Variants in SLC15A1 observed in about 807,000 individuals in gnomAD.
SLC15A1 encodes the protein solute carrier family 15 member 1, also known as Caco-2 oligopeptide transporter.
In SLC15A1, 83 loss-of-function variants were observed where a neutral mutation model predicts 92.9. The observed-to-expected ratio is 0.89, with a 90% CI of 0.75 to 1.07. The LOEUF (loss-of-function observed/expected upper bound fraction) is 1.07, where lower values mean the gene tolerates loss of function less well. SLC15A1 is among the 50% of genes least tolerant of loss of function. SLC15A1 has a pLI of 0.00. For synonymous variants in SLC15A1, 322 were observed against 318.2 expected, an observed-to-expected ratio of 1.01 and a Z score of -0.13; for missense variants, 857 against 880.1, an observed-to-expected ratio of 0.97 and a Z score of 0.33.
intron 1 of SLC15A1, among the ~76,000 whole-genome samples, chr13:98,744,323 A>T: frequency 1.3e-5 from 2 of 150,646 alleles, no homozygotes; most frequent in Admixed American, 6.6e-5. Flanking sequence ...TGAAGACCCT[A>T]ACTTATACAC....
In SLC15A1 at chr13:98,724,109, C is replaced by G. The variant is rs940165304; in HGVS notation, c.246-78G>C. The G allele has an allele frequency of 4.4e-4, 685 of 1,570,588 alleles. 3 individuals carry two copies. Among genetic ancestry groups the G allele is most frequent in the Non-Finnish European group, 9.3e-5 (107 of 1,152,796 alleles). ...CTTTTGACTCCACCACAAAAGACCC[C>G]CTCCTTGAAAGCTTTCAAGAGCCCA... On this transcript the variant is annotated intron_variant, in intron 4 of 22. Transcript: ENST00000376503.
At chr13:98,702,577 T>TCTGAACTCATTC in intron 17 of SLC15A1, 48 bp from the exon 18 acceptor site, 2 of 1,387,916 alleles carry the variant, frequency 1.4e-6, no homozygotes, top group Non-Finnish European at 2.1e-6. Flanking sequence ...ATAATATTCA[T>TCTGAACTCATTC]TAGAATGAGT....
chr13:98,719,728 G>C (rs1281300469), intron 7 of SLC15A1, among the ~76,000 whole-genome samples: 3 of 152,164 alleles, frequency 2.0e-5, no homozygotes, highest in Non-Finnish European at 4.4e-5. Context: ...CGATGACCTA[G>C]GGCAGGGGTT....
chr13:98,710,104 G>A (rs538789889), intron 11 of SLC15A1, among the ~76,000 whole-genome samples, 193 bp from the exon 12 acceptor site: 5 of 152,170 alleles, frequency 3.3e-5, no homozygotes, highest in African/African-American at 7.2e-5. Flanking sequence ...CATTTCTAGC[G>A]TACGAGTGAA....
At chr13:98,741,723 C>CAA (rs61421254) in intron 1 of SLC15A1, among the ~76,000 whole-genome samples, 12 of 81,768 alleles carry the variant, frequency 1.5e-4, no homozygotes, top group East Asian at 2.9e-4. Flanking sequence ...GACTCCGTCT[C>CAA]AAAAAAAAAA....
intron 1 of SLC15A1, among the ~76,000 whole-genome samples, chr13:98,737,783 T>C (rs1296641518): frequency 6.6e-6 from 1 of 152,096 alleles, no homozygotes; most frequent in African/African-American, 2.4e-5. Context: ...TACCTGAAAA[T>C]GTAGAAGAGC....
At chr13:98,716,028 C>T (rs543310058) in intron 8 of SLC15A1, 68 bp from the exon 9 acceptor site, 63 of 1,271,296 alleles carry the variant, frequency 5.0e-5, no homozygotes, top group East Asian at 1.4e-4. Context: ...TAGAGAGATG[C>T]GCCTTTATTT....
intron 16 of SLC15A1, 77 bp downstream of exon 16, chr13:98,706,057 A>C: frequency 6.6e-7 from 1 of 1,522,044 alleles, no homozygotes; most frequent in Admixed American, 2.2e-5. Flanking sequence ...ACAAGGACCA[A>C]GAAAAACAGC....
rs147152072 is a variant in SLC15A1, at chr13:98,734,631, G to A, written c.5-7772C>T. Among the ~76,000 whole-genome samples the A allele has an allele frequency of 9.7e-4, 148 of 152,134 alleles. 1 individual carries two copies. The highest frequency in any genetic ancestry group is 3.3e-3 in the African/African-American group (135 of 41,506). On this transcript the variant is annotated intron_variant, in intron 1 of 22. Coordinates refer to ENST00000376503, the MANE Select transcript of SLC15A1 (RefSeq NM_005073.4). The stretch of plus-strand genomic sequence containing the variant: ...TGGCACACCAGGAGATTAAATAGAC[G>A]CAATAAAAAATGATAAAGGGTATAT...
Position 98,736,860 on chromosome 13 carries a change from T to C in SLC15A1, c.5-10001A>G, listed in dbSNP as rs564948132. 4.2e-3 allele frequency among the ~76,000 whole-genome samples: 639 copies of C among 152,260 alleles called. 4 individuals carry two copies. Among genetic ancestry groups the C allele is most frequent in the African/African-American group, 0.015 (606 of 41,552 alleles). ...AGGAAACCACAGGTGCTGGAGAGGA[T>C]GTGGAGAAATAGGAACACTTTTACA... On this transcript the variant is annotated intron_variant, in intron 1 of 22. Transcript: ENST00000376503.
At chr13:98,718,928 C>T (rs113162808) in intron 8 of SLC15A1, among the ~76,000 whole-genome samples, 1,580 of 152,292 alleles carry the variant, frequency 0.01, 11 homozygotes, top group Middle Eastern at 0.044. Context: ...GCTGGGATTA[C>T]GGGCATGAGT....
intron 1 of SLC15A1, among the ~76,000 whole-genome samples, chr13:98,748,467 A>T (rs1468812049): frequency 6.6e-6 from 1 of 151,582 alleles, no homozygotes; most frequent in Admixed American, 6.6e-5. Context: ...ATATTTTTGT[A>T]TTTTTTTTGT....
chr13:98,732,771 C>A (rs2088361159), intron 1 of SLC15A1, among the ~76,000 whole-genome samples: 1 of 152,082 alleles, frequency 6.6e-6, no homozygotes, highest in Non-Finnish European at 1.5e-5. Flanking sequence ...CTGTTTCCTA[C>A]CATTACCAAG....
rs754073444 is a variant in SLC15A1, at chr13:98,684,823, C to T, written c.2028G>A (p.Ala676=). 1.5e-5 allele frequency: 25 copies of T among 1,614,124 alleles called. No homozygotes were observed. Among genetic ancestry groups the T allele is most frequent in the South Asian group, 6.6e-5 (6 of 91,082 alleles). The change falls in exon 23 of 23, where the codon GCG becomes GCA. Residue 676 remains alanine, a synonymous_variant. Transcript: ENST00000376503. ...CCTCATCAAATTGAGCTTCGATCTC[C>T]GCTGGGTTGATGTAAGTATAGAACC... ...MARFYTYINP[A]EIEAQFDEDE...
intron 18 of SLC15A1, among the ~76,000 whole-genome samples, chr13:98,695,250 C>T (rs2088012931): frequency 6.6e-6 from 1 of 152,070 alleles, no homozygotes; most frequent in South Asian, 2.1e-4. Context: ...AAACTCTCAA[C>T]CAGTTATTTT....
intron 1 of SLC15A1, among the ~76,000 whole-genome samples, chr13:98,733,155 G>A (rs2088363706): frequency 6.6e-6 from 1 of 152,130 alleles, no homozygotes; most frequent in Non-Finnish European, 1.5e-5. Context: ...AGCCTTTCAA[G>A]GTAGCACTGC....
intron 4 of SLC15A1, among the ~76,000 whole-genome samples, chr13:98,724,606 G>A (rs112898036): frequency 0.35 from 53,744 of 152,066 alleles, 12,369 homozygotes; most frequent in Non-Finnish European, 0.52. Context: ...CGAGTAGCTA[G>A]GACTACAGGG....
chr13:98,709,276 T>C (rs2088141513), intron 14 of SLC15A1, among the ~76,000 whole-genome samples: 1 of 152,162 alleles, frequency 6.6e-6, no homozygotes, highest in African/African-American at 2.4e-5. Context: ...GCCTGTATAT[T>C]TACATTAATT....
chr13:98,712,703 A>C, intron 9 of SLC15A1, 119 bp from the exon 10 acceptor site: 4 of 650,798 alleles, frequency 6.1e-6, no homozygotes, highest in Non-Finnish European at 1.1e-5. Flanking sequence ...CAAAATATAC[A>C]ATTGTATCTA....
Sources: gnomAD v4.1 joint callset for allele counts (sites outside exome capture counted in the v4.1 genomes callset) on GRCh38, gnomAD v4.1.1 for gene constraint, MANE v1.5 for transcripts, NCBI Gene and HGNC (gene_info 2026-07-23, HGNC 2026-07-21) for gene names.